Variants in LIPA observed in about 807,000 individuals in gnomAD.
LIPA encodes lipase A, lysosomal acid type.
A neutral mutation model predicts 40.6 loss-of-function variants in LIPA; 26 were observed. That is an observed-to-expected ratio of 0.64 (90% CI 0.47 to 0.89). The LOEUF (loss-of-function observed/expected upper bound fraction) is 0.89, where lower values mean the gene tolerates loss of function less well. LIPA is among the 40% of genes least tolerant of loss of function. The pLI is 0.00. For synonymous variants in LIPA, 188 were observed against 168.4 expected (o/e 1.12, Z -0.90); for missense variants, 455 against 479.6 (o/e 0.95, Z 0.48).
intron 2 of LIPA, among the ~76,000 whole-genome samples, chr10:89,359,611 A>G (rs1223973826): frequency 6.6e-6 from 1 of 152,184 alleles, no homozygotes; most frequent in Non-Finnish European, 1.5e-5. Flanking sequence ...ATTATGCTGG[A>G]CTGAAGCCCT....
intron 2 of LIPA, among the ~76,000 whole-genome samples, chr10:89,391,008 T>G (rs1244324920): frequency 1.3e-5 from 2 of 152,230 alleles, no homozygotes; most frequent in African/African-American, 4.8e-5. Flanking sequence ...AACTAGTTGT[T>G]GAACTCTCTG....
chr10:89,318,681 A>G (rs1366945680), intron 1 of LIPA, among the ~76,000 whole-genome samples: 2 of 152,242 alleles, frequency 1.3e-5, no homozygotes, highest in Non-Finnish European at 2.9e-5. Flanking sequence ...AAGGATATCC[A>G]GGAGTTGAAC....
At chr10:89,266,908 G>A (rs1346692877) in intron 1 of LIPA, among the ~76,000 whole-genome samples, 1 of 152,198 alleles carries the variant, frequency 6.6e-6, no homozygotes, top group Non-Finnish European at 1.5e-5. Flanking sequence ...ACTGCAGAGT[G>A]CATCAAGATT....
chr10:89,254,063 G>A (rs548888727), upstream of LIPA, among the ~76,000 whole-genome samples: 6 of 152,338 alleles, frequency 3.9e-5, no homozygotes, highest in Admixed American at 2.0e-4. Context: ...CAGGTGCACA[G>A]TGCAAGCTAT....
At chr10:89,278,542 T>C (rs567817670) in intron 1 of LIPA, 1 of 152,336 alleles carries the variant, frequency 6.6e-6, no homozygotes, top group Non-Finnish European at 1.5e-5. Flanking sequence ...GTTAAGCAAG[T>C]TCCCCAGGGC....
intron 1 of LIPA, chr10:89,327,885 C>T: frequency 1.8e-6 from 1 of 553,768 alleles, no homozygotes; most frequent in Non-Finnish European, 3.2e-6. Flanking sequence ...TTTCACTTTC[C>T]AGTTTCCTCT....
At chr10:89,388,955 A>G (rs114465353) in intron 2 of LIPA, among the ~76,000 whole-genome samples, 2,965 of 152,340 alleles carry the variant, frequency 0.019, 43 homozygotes, top group African/African-American at 0.037. Flanking sequence ...TTTGCAACGA[A>G]GAATTTCTGG....
intron 5 of LIPA, among the ~76,000 whole-genome samples, chr10:89,226,007 T>C (rs1185831181): frequency 1.3e-5 from 2 of 152,204 alleles, no homozygotes; most frequent in Non-Finnish European, 2.9e-5. Context: ...TTTTTCTTTA[T>C]AAATTGCCCA....
intron 1 of LIPA, among the ~76,000 whole-genome samples, chr10:89,248,439 TTTATATTTATTTATTTA>T (rs796150751): frequency 6.4e-5 from 5 of 77,580 alleles, no homozygotes; most frequent in African/African-American, 2.2e-4. Flanking sequence ...TTATTATTAT[TTTATATTTATTTATTTA>T]TTTATTTATT....
chr10:89,345,250 C>T (rs1017953570), upstream of LIPA, among the ~76,000 whole-genome samples: 9 of 151,696 alleles, frequency 5.9e-5, no homozygotes, highest in African/African-American at 1.9e-4. Flanking sequence ...AGGAATAGGC[C>T]GGGCGCAGTG....
chr10:89,259,112 T>C (rs1289882242), intron 1 of LIPA, among the ~76,000 whole-genome samples: 1 of 152,202 alleles, frequency 6.6e-6, no homozygotes, highest in Non-Finnish European at 1.5e-5. Context: ...TTAATTGCAA[T>C]GATAGTTGCA....
intron 2 of LIPA, chr10:89,393,173 G>C: frequency 7.7e-7 from 1 of 1,290,530 alleles, no homozygotes; most frequent in Non-Finnish European, 1.0e-6. Context: ...CAGCCTCTCT[G>C]ATGTCTTGTG....
intron 1 of LIPA, among the ~76,000 whole-genome samples, chr10:89,299,418 G>T (rs894680485): frequency 6.6e-6 from 1 of 152,196 alleles, no homozygotes; most frequent in Admixed American, 6.5e-5. Context: ...AAACTGAAAG[G>T]GTTTGAAAAC....
At chr10:89,215,473 G>A (rs1842613783) in intron 9 of LIPA, among the ~76,000 whole-genome samples, 1 of 152,226 alleles carries the variant, frequency 6.6e-6, no homozygotes, top group Non-Finnish European at 1.5e-5. Flanking sequence ...TCATGTTTAA[G>A]TCAGAGATAA....
At chr10:89,339,477 T>A (rs746613430) in intron 1 of LIPA, 2 of 1,614,034 alleles carry the variant, frequency 1.2e-6, no homozygotes, top group African/African-American at 1.3e-5. Flanking sequence ...CACCAAACAA[T>A]GGCTACCTCT....
chr10:89,393,457 G>A, intron 2 of LIPA: 4 of 464,002 alleles, frequency 8.6e-6, no homozygotes, highest in Non-Finnish European at 1.4e-5. Context: ...CTTAGGCCGG[G>A]CAAGGGGGCT....
intron 2 of LIPA, among the ~76,000 whole-genome samples, chr10:89,366,934 A>G (rs1195385660): frequency 2.6e-5 from 4 of 152,238 alleles, no homozygotes; most frequent in African/African-American, 9.6e-5. Context: ...CCAAATGTCC[A>G]TCAATGATAG....
At chr10:89,296,794 T>G (rs1843417913) in intron 1 of LIPA, among the ~76,000 whole-genome samples, 1 of 152,232 alleles carries the variant, frequency 6.6e-6, no homozygotes, top group African/African-American at 2.4e-5. Context: ...TGAGGTACTA[T>G]TATTTTCTTT....
intron 1 of LIPA, among the ~76,000 whole-genome samples, chr10:89,320,172 C>A (rs548540869): frequency 3.2e-4 from 48 of 152,288 alleles, no homozygotes; most frequent in African/African-American, 1.2e-3. Context: ...CAGGGATGCC[C>A]TCTCTCAACA....
Sources: gnomAD v4.1 joint callset for allele counts (sites outside exome capture counted in the v4.1 genomes callset) on GRCh38, gnomAD v4.1.1 for gene constraint, MANE v1.5 for transcripts, NCBI Gene and HGNC (gene_info 2026-07-23, HGNC 2026-07-21) for gene names.